MGAT5: variants seen among roughly 807,000 people sequenced by gnomAD.
MGAT5 encodes alpha-1,6-mannosylglycoprotein 6-beta-N-acetylglucosaminyltransferase A.
A neutral mutation model predicts 94.3 loss-of-function variants in MGAT5; 30 were observed. That is an observed-to-expected ratio of 0.32 (90% CI 0.24 to 0.43). MGAT5 has a LOEUF of 0.43. Ranked by LOEUF, MGAT5 falls within the 20% of genes least tolerant of loss-of-function variation. MGAT5 has a pLI of 1.00. For missense variants in MGAT5, 691 were observed against 905.5 expected (o/e 0.76, Z 3.04); for synonymous variants, 310 against 322.9 (o/e 0.96, Z 0.43).
At chr2:134,382,248 G>C (rs1681674431) in intron 10 of MGAT5, among the ~76,000 whole-genome samples, 1 of 150,818 alleles carries the variant, frequency 6.6e-6, no homozygotes, top group South Asian at 2.1e-4. Context: ...GCAATACCCT[G>C]TCTAAAAAAA....
intron 4 of MGAT5, among the ~76,000 whole-genome samples, chr2:134,331,292 T>C (rs1052016097): frequency 4.6e-5 from 7 of 152,184 alleles, no homozygotes; most frequent in Admixed American, 2.0e-4. Flanking sequence ...GTCCTTTCCA[T>C]GGAATGTGCA....
intron 1 of MGAT5, among the ~76,000 whole-genome samples, chr2:134,258,690 G>A (rs917170028): frequency 1.3e-5 from 2 of 152,194 alleles, no homozygotes; most frequent in African/African-American, 4.8e-5. Flanking sequence ...TTCATAAGGT[G>A]CACACATAAA....
chr2:134,354,218 A>T (rs1679574909), intron 9 of MGAT5, among the ~76,000 whole-genome samples: 1 of 152,232 alleles, frequency 6.6e-6, no homozygotes, highest in African/African-American at 2.4e-5. Context: ...ATGCACATAT[A>T]CTGAGGATGT....
intron 14 of MGAT5, among the ~76,000 whole-genome samples, chr2:134,434,257 A>G (rs192993278): frequency 2.8e-4 from 43 of 152,278 alleles, no homozygotes; most frequent in Non-Finnish European, 5.6e-4. Context: ...CCTTCTTTAC[A>G]AAGGCGGTGC....
intron 1 of MGAT5, among the ~76,000 whole-genome samples, chr2:134,189,922 A>C (rs748697126): frequency 1.1e-4 from 16 of 152,088 alleles, no homozygotes; most frequent in Non-Finnish European, 1.8e-4. Context: ...CTTTAGAATA[A>C]CTTTATTTAG....
At position 134,257,836 on chromosome 2, in the gene MGAT5, C is replaced by CCTTT. The variant is rs781189819; in HGVS notation, c.241+3192_241+3193insCTTT. Among the ~76,000 whole-genome samples the CCTTT allele has an allele frequency of 8.9e-4, 95 of 106,432 alleles. 18 individuals carry two copies. The highest frequency in any genetic ancestry group is 9.8e-4 in the Non-Finnish European group (53 of 54,228). 69.8% of individuals were successfully genotyped at this position (106,432 alleles called of 152,430 possible). A position where few individuals can be genotyped will look rare whatever the true frequency, so the allele number is the denominator to read the frequency against. On this transcript the variant is annotated intron_variant, in intron 1 of 15. Transcript: ENST00000281923. ...TGCATAGGCCATTAGTTTGCAGTCTCTTTTTTTTTTTTTTTTTTTGCCATA... is the reference window on the plus strand; with the variant it reads ...TGCATAGGCCATTAGTTTGCAGTCTCCTTTTTTTTTTTTTTTTTTTTTTGCCATA...
intron 10 of MGAT5, among the ~76,000 whole-genome samples, chr2:134,371,944 T>TAAAA (rs59624970): frequency 7.1e-6 from 1 of 140,032 alleles, no homozygotes; most frequent in African/African-American, 2.6e-5. Context: ...TTGTTTTGTT[T>TAAAA]AAAAAAAAAA....
chr2:134,170,104 G>T (rs972179041), intron 1 of MGAT5, among the ~76,000 whole-genome samples: 5 of 152,160 alleles, frequency 3.3e-5, no homozygotes, highest in African/African-American at 1.2e-4. Context: ...CTGAAACTAA[G>T]TTGGTATCAT....
chr2:134,421,276 G>T (rs1379722776), intron 12 of MGAT5, among the ~76,000 whole-genome samples: 2 of 152,162 alleles, frequency 1.3e-5, no homozygotes, highest in Non-Finnish European at 2.9e-5. Context: ...TTCAATGTAT[G>T]TTTGAACTGT....
chr2:134,370,212 C>A (rs1024835968), intron 10 of MGAT5, among the ~76,000 whole-genome samples: 6 of 152,132 alleles, frequency 3.9e-5, no homozygotes, highest in African/African-American at 1.4e-4. Flanking sequence ...TTTAATGAAC[C>A]ACCCAAGACC....
Position 134,441,790 on chromosome 2 carries a change from C to A in MGAT5, c.1902C>A (p.Pro634=). The change falls in exon 15 of 16, where the codon CCC becomes CCA. Residue 634 remains proline, a synonymous_variant. Transcript: ENST00000281923. ...GCCATGGGCAAGTGATGTGGCCACC[C>A]CTCAGCGCCCTACAGGTCAAGCTTG... ...DFCHGQVMWP[P]LSALQVKLAE... is the part of the protein sequence containing the mutation. 3.7e-6 allele frequency: 6 copies of A among 1,614,018 alleles called. No homozygotes were observed. Among genetic ancestry groups the A allele is most frequent in the Non-Finnish European group, 5.1e-6 (6 of 1,179,920 alleles).
chr2:134,120,537 G>T (rs1173954650), intron 1 of MGAT5, among the ~76,000 whole-genome samples: 1 of 151,892 alleles, frequency 6.6e-6, no homozygotes, highest in African/African-American at 2.4e-5. Flanking sequence ...AAGCCCACCT[G>T]CCCCGGGCAG....
At chr2:134,207,754 T>C (rs1472204773) in intron 1 of MGAT5, among the ~76,000 whole-genome samples, 1 of 152,116 alleles carries the variant, frequency 6.6e-6, no homozygotes, top group Non-Finnish European at 1.5e-5. Context: ...CAGTGATATG[T>C]ATCATTTGTG....
chr2:134,402,947 A>C, intron 10 of MGAT5, 41 bp from the exon 11 acceptor site: 1 of 1,548,652 alleles, frequency 6.5e-7, no homozygotes, highest in Non-Finnish European at 8.7e-7. Flanking sequence ...TATGCAAATG[A>C]AAGAAAAAGA....
chr2:134,150,899 G>C (rs1672232845), intron 1 of MGAT5, among the ~76,000 whole-genome samples: 1 of 152,134 alleles, frequency 6.6e-6, no homozygotes. Flanking sequence ...CCCATTGTTT[G>C]GATCTCTGTG....
Position 134,318,369 on chromosome 2 carries a change from G to A in MGAT5, c.484-281G>A, listed in dbSNP as rs3791283. Among the ~76,000 whole-genome samples the A allele has an allele frequency of 2.5e-3, 377 of 152,230 alleles. 6 individuals are homozygous for A. The highest frequency in any genetic ancestry group is 0.023 in the East Asian group (117 of 5,160). ...TCTTGATAAAAATCCCTAAGCCACC[G>A]CCTCTCCTGGGCTTTATTGCCTGCT... On this transcript the variant is annotated intron_variant, in intron 3 of 15. Transcript: ENST00000281923.
chr2:134,249,687 A>G (rs1682477594), upstream of MGAT5, among the ~76,000 whole-genome samples: 1 of 152,226 alleles, frequency 6.6e-6, no homozygotes, highest in South Asian at 2.1e-4. Context: ...TTTATTATGG[A>G]TAATGCTGCT....
At chr2:134,372,253 T>A (rs1426869199) in intron 10 of MGAT5, among the ~76,000 whole-genome samples, 1 of 152,256 alleles carries the variant, frequency 6.6e-6, no homozygotes, top group Non-Finnish European at 1.5e-5. Context: ...TTACCTCGGT[T>A]GCATCCAGTG....
intron 9 of MGAT5, among the ~76,000 whole-genome samples, chr2:134,360,581 T>G (rs1324065490): frequency 6.6e-6 from 1 of 152,096 alleles, no homozygotes. Context: ...TGAAGTATAG[T>G]GTCAGGTTTG....
Sources: allele counts gnomAD v4.1 joint callset (sites outside exome capture counted in the v4.1 genomes callset), GRCh38; gene constraint gnomAD v4.1.1; transcripts MANE v1.5; gene names NCBI Gene and HGNC (gene_info 2026-07-23, HGNC 2026-07-21).